ZNF704: variants seen among roughly 807,000 people sequenced by gnomAD.
ZNF704 encodes the protein zinc finger protein 704.
In ZNF704, 10 loss-of-function variants were observed where a neutral mutation model predicts 44.7. The ratio of observed to expected loss-of-function variants is 0.22; its 90% CI spans 0.14 to 0.38. The LOEUF is 0.38. Among genes scored for constraint, ZNF704 ranks in the 10% least tolerant of loss-of-function variants. ZNF704 has a pLI of 1.00. For synonymous variants in ZNF704, 211 were observed against 207.6 expected, an observed-to-expected ratio of 1.02 and a Z score of -0.14; for missense variants, 390 against 545.5, an observed-to-expected ratio of 0.71 and a Z score of 2.84.
chr8:80,872,516 C>T lies in ZNF704; in HGVS notation c.-22+2055G>A, dbSNP rs1190649644. Among the ~76,000 whole-genome samples, 7 of 152,024 alleles carry T rather than the reference C, an allele frequency of 4.6e-5. No individual in the cohort carries two copies. The East Asian group carries it at 1.3e-3, about 29-fold the overall frequency. On this transcript the variant is annotated intron_variant, in intron 1 of 8. Coordinates refer to ENST00000327835, the MANE Select transcript of ZNF704 (RefSeq NM_001033723.3). ...ATGAGTTTTTTTTCTTCCTGAAATACCAATACCTTCTGAAAACTCTGGTAA... is the reference window on the plus strand; with the variant it reads ...ATGAGTTTTTTTTCTTCCTGAAATATCAATACCTTCTGAAAACTCTGGTAA...
chr8:80,814,742 T>G (rs1311189965), intron 2 of ZNF704, among the ~76,000 whole-genome samples: 1 of 152,198 alleles, frequency 6.6e-6, no homozygotes, highest in Non-Finnish European at 1.5e-5. Context: ...AATGGTAAAG[T>G]GACCTTTTTT....
At chr8:80,776,320 A>G (rs1429184019) in intron 2 of ZNF704, among the ~76,000 whole-genome samples, 8 of 152,214 alleles carry the variant, frequency 5.3e-5, no homozygotes, top group African/African-American at 1.9e-4. Flanking sequence ...CAGCTTTGCA[A>G]TACCACCACC....
chr8:80,734,602 T>A (rs1207008289), intron 2 of ZNF704, among the ~76,000 whole-genome samples: 1 of 152,230 alleles, frequency 6.6e-6, no homozygotes, highest in Non-Finnish European at 1.5e-5. Flanking sequence ...AGTATATGTA[T>A]ATTTGCAGAT....
At chr8:80,692,791 G>C (rs771108115) in intron 3 of ZNF704, among the ~76,000 whole-genome samples, 34 of 152,292 alleles carry the variant, frequency 2.2e-4, no homozygotes, top group Non-Finnish European at 3.4e-4. Flanking sequence ...TTGAATGGAG[G>C]GATGGGTGAA....
chr8:80,829,017 G>A (rs1808425090), intron 1 of ZNF704, among the ~76,000 whole-genome samples: 1 of 152,148 alleles, frequency 6.6e-6, no homozygotes, highest in African/African-American at 2.4e-5. Context: ...AGCTCCACAG[G>A]AAGATTGTCA....
At chr8:80,758,316 A>G (rs749240591) in intron 2 of ZNF704, among the ~76,000 whole-genome samples, 3 of 152,196 alleles carry the variant, frequency 2.0e-5, no homozygotes, top group Non-Finnish European at 2.9e-5. Context: ...CCTTTATTCT[A>G]CCTTCACTTA....
intron 2 of ZNF704, among the ~76,000 whole-genome samples, chr8:80,718,002 C>T (rs1015059295): frequency 1.3e-5 from 2 of 152,210 alleles, no homozygotes; most frequent in South Asian, 2.1e-4. Flanking sequence ...GAGCATTCAA[C>T]GAATTCTCAA....
chr8:80,878,004 A>G (rs117919992), upstream of ZNF704, among the ~76,000 whole-genome samples: 5 of 152,218 alleles, frequency 3.3e-5, no homozygotes, highest in East Asian at 9.6e-4. Flanking sequence ...GCAGCCCTGG[A>G]CTCTGTCTTC....
At chr8:80,789,605 G>A (rs941561508) in intron 2 of ZNF704, among the ~76,000 whole-genome samples, 1 of 151,958 alleles carries the variant, frequency 6.6e-6, no homozygotes, top group Non-Finnish European at 1.5e-5. Flanking sequence ...TTAAAAAATT[G>A]GCCAGGTATG....
Position 80,752,742 on chromosome 8 carries a change from T to C in ZNF704, c.222-59635A>G, listed in dbSNP as rs971696677. On this transcript the variant is annotated intron_variant, in intron 2 of 8. Transcript: ENST00000327835. ...TTTTAGTAGAGAAAGGGTTTCTCCA[T>C]GTTGGTCAGGCTGGTCTCAAACTCC... Among the ~76,000 whole-genome samples, 3 of 152,176 alleles carry C rather than the reference T, an allele frequency of 2.0e-5. No individual in the cohort carries two copies. The East Asian group carries it at 5.8e-4, about 29-fold the overall frequency.
chr8:80,860,885 G>C (rs1044910159), intron 1 of ZNF704, among the ~76,000 whole-genome samples: 2 of 152,292 alleles, frequency 1.3e-5, no homozygotes, highest in African/African-American at 4.8e-5. Context: ...CACTTTTACT[G>C]CTGGATTTGT....
At chr8:80,651,095 A>C (rs1225465891) in intron 7 of ZNF704, among the ~76,000 whole-genome samples, 34 of 152,000 alleles carry the variant, frequency 2.2e-4, no homozygotes, top group Admixed American at 5.9e-4. Flanking sequence ...GAAATAAAAT[A>C]CTTTACAGAC....
At chr8:80,643,516 CAAAAAA>C (rs1174433192) in intron 7 of ZNF704, among the ~76,000 whole-genome samples, 5 of 23,390 alleles carry the variant, frequency 2.1e-4, no homozygotes, top group Admixed American at 5.7e-4. Flanking sequence ...GATCCTGTCT[CAAAAAA>C]AAAAAAAAAA....
intron 2 of ZNF704, among the ~76,000 whole-genome samples, chr8:80,750,763 C>T (rs1806929133): frequency 6.6e-6 from 1 of 152,166 alleles, no homozygotes. Flanking sequence ...GATCCACCCA[C>T]CTCAGCCTCC....
intron 2 of ZNF704, among the ~76,000 whole-genome samples, chr8:80,793,120 G>C (rs182915561): frequency 6.6e-6 from 1 of 152,352 alleles, no homozygotes; most frequent in Admixed American, 6.5e-5. Flanking sequence ...CAAGGGAGGA[G>C]CAATGGATTT....
intron 2 of ZNF704, among the ~76,000 whole-genome samples, chr8:80,736,055 G>T (rs1350924163): frequency 6.6e-6 from 1 of 152,114 alleles, no homozygotes; most frequent in African/African-American, 2.4e-5. Flanking sequence ...ATTGTCCTGT[G>T]GTTTCTGCCT....
intron 2 of ZNF704, among the ~76,000 whole-genome samples, chr8:80,721,013 T>G (rs996661677): frequency 6.6e-6 from 1 of 152,224 alleles, no homozygotes; most frequent in Non-Finnish European, 1.5e-5. Flanking sequence ...TCGCATTGTG[T>G]GACCACCACC....
At chr8:80,718,700 C>T (rs1020243944) in intron 2 of ZNF704, among the ~76,000 whole-genome samples, 2 of 152,210 alleles carry the variant, frequency 1.3e-5, no homozygotes, top group African/African-American at 4.8e-5. Context: ...TCTAGATCAA[C>T]CCACCCCCAA....
intron 3 of ZNF704, among the ~76,000 whole-genome samples, chr8:80,692,078 T>C (rs1585957363): frequency 6.6e-6 from 1 of 152,302 alleles, no homozygotes. Flanking sequence ...AGAATCACTT[T>C]AATAGTGCTC....
Sources: allele counts gnomAD v4.1 joint callset (sites outside exome capture counted in the v4.1 genomes callset), GRCh38; gene constraint gnomAD v4.1.1; transcripts MANE v1.5; gene names NCBI Gene and HGNC (gene_info 2026-07-23, HGNC 2026-07-21).